Variants in GLB1L observed in about 807,000 individuals in gnomAD.
GLB1L encodes the protein beta-galactosidase-1-like protein.
GLB1L carries 58 observed loss-of-function variants against 75.7 expected under a neutral mutation model. The observed-to-expected ratio is 0.77, with a 90% CI of 0.62 to 0.95. GLB1L has a LOEUF of 0.95. Ranked by LOEUF, GLB1L falls within the 40% of genes least tolerant of loss-of-function variation. GLB1L has a pLI of 0.00. For synonymous variants in GLB1L, 296 were observed against 303.0 expected, an observed-to-expected ratio of 0.98 and a Z score of 0.24; for missense variants, 797 against 805.5, an observed-to-expected ratio of 0.99 and a Z score of 0.13.
Position 219,237,640 on chromosome 2 carries a change from A to G in GLB1L, c.1561T>C (p.Trp521Arg), listed in dbSNP as rs1413689820. The change falls in exon 16 of 17, where the codon TGG becomes CGG. Residue 521 changes from tryptophan to arginine, a missense_variant. Trp to Arg is a moderately radical substitution (Grantham distance 101). Transcript: ENST00000295759. Reference sequence around the variant, plus strand: ...CATTTTGGCAACTGGAGGGGAAACCACCACTTCACAAGGTTATCAATTTTC... The same window carrying G: ...CATTTTGGCAACTGGAGGGGAAACCGCCACTTCACAAGGTTATCAATTTTC... Reference protein sequence around the residue: ...PLKIDNLVKWWFPLQLPKWPY... With the variant: ...PLKIDNLVKWRFPLQLPKWPY... 3 of 1,614,064 alleles carry G rather than the reference A, an allele frequency of 1.9e-6. No homozygotes were observed. The highest frequency in any genetic ancestry group is 2.7e-5 in the African/African-American group (2 of 74,926).
chr2:219,243,984 G>T (rs970594140), intron 1 of GLB1L: 1 of 123,556 alleles, frequency 8.1e-6, no homozygotes, highest in African/African-American at 3.0e-5. Flanking sequence ...GCACGCGCCT[G>T]TATTCCAAGC....
In GLB1L at chr2:219,240,005, C is replaced by T; in HGVS notation, c.636G>A (p.Lys212=). 6.2e-7 allele frequency: 1 copy of T among 1,614,088 alleles called. No individual in the cohort carries two copies. Among genetic ancestry groups the T allele is most frequent in the Non-Finnish European group, 8.5e-7 (1 of 1,180,034 alleles). Residue 212 remains lysine, a synonymous_variant, in exon 7 of 17, where the codon AAG becomes AAA. Coordinates refer to ENST00000295759, the MANE Select transcript of GLB1L (RefSeq NM_001286423.2). ...GCCCATCTGTGGTGAAGAGCAAGAT[C>T]TTTTCTCCTAGCAGTGCACGGAAGA... ...AGLFRALLGE[K]ILLFTTDGPE...
intron 5 of GLB1L, 47 bp downstream of exon 5, chr2:219,242,467 C>G (rs1479164423): frequency 1.5e-6 from 2 of 1,373,552 alleles, no homozygotes; most frequent in East Asian, 2.3e-5. Context: ...CCCAAATAGC[C>G]CATTTTACTT....
chr2:219,237,253 G>A lies in GLB1L; in HGVS notation c.1784C>T (p.Pro595Leu). 1 of 1,614,156 alleles carries A rather than the reference G, an allele frequency of 6.2e-7. No homozygotes were observed. The highest frequency in any genetic ancestry group is 8.5e-7 in the Non-Finnish European group (1 of 1,180,020). The change falls in exon 17 of 17, where the codon CCT (proline) becomes CTT (leucine). Residue 595 changes from proline (P) to leucine (L), a missense_variant. Physicochemically the swap from Pro to Leu is moderately conservative, Grantham distance 98 (BLOSUM62 -3). Coordinates refer to ENST00000295759, the MANE Select transcript of GLB1L (RefSeq NM_001286423.2). ...TGTAATTTTGTTGAGGGCTCCCCTA[G>A]GAAACAGCAGGAATCTTGGCACGTA... The part of the protein sequence containing the change: ...TLYVPRFLLF[P>L]RGALNKITLL...
At chr2:219,242,056 C>T (rs1448832938) in intron 5 of GLB1L, among the ~76,000 whole-genome samples, 2 of 152,182 alleles carry the variant, frequency 1.3e-5, no homozygotes, top group East Asian at 3.9e-4. Context: ...TGTTCAATCT[C>T]GGCTCACTGC....
At chr2:219,237,997 T>C in intron 14 of GLB1L, 40 bp from the exon 15 acceptor site, 1 of 1,608,060 alleles carries the variant, frequency 6.2e-7, no homozygotes, top group Non-Finnish European at 8.5e-7. Context: ...GCTCAGCATC[T>C]AGCTCTTAGC....
chr2:219,239,589 T>C lies in GLB1L; in HGVS notation c.874A>G (p.Met292Val), dbSNP rs745630727. Residue 292 changes from methionine (M) to valine (V), a missense_variant, in exon 9 of 17, where the codon ATG becomes GTG. Coordinates refer to ENST00000295759, the MANE Select transcript of GLB1L (RefSeq NM_001286423.2). The stretch of plus-strand genomic sequence containing the variant: ...TTCACACTGGCTCCCAACTTGAGCA[T>C]GTTCTCTAGTCCTTTGGTTACAGCT... ...VSAVTKGLEN[M>V]LKLGASVNMY... 3 of 1,614,204 alleles carry C rather than the reference T, an allele frequency of 1.9e-6. No homozygotes were observed. The highest frequency in any genetic ancestry group is 1.7e-5 in the Admixed American group (1 of 60,018).
chr2:219,242,839 T>G lies in GLB1L; in HGVS notation c.319A>C (p.Asn107His). 6.2e-7 allele frequency: 1 copy of G among 1,614,148 alleles called. No homozygotes were observed. Among genetic ancestry groups the G allele is most frequent in the Non-Finnish European group, 8.5e-7 (1 of 1,180,022 alleles). ...AACAGGTTCGCTAGAGCTGCCTCAT[T>G]CAGAAAGGCAATGAGGTCCCGGCTG... ...NGSRDLIAFL[N>H]EAALANLLVI... is the part of the protein sequence containing the mutation. The change falls in exon 4 of 17, where the codon AAT becomes CAT. Residue 107 changes from asparagine to histidine, a missense_variant. Coordinates refer to ENST00000295759, the MANE Select transcript of GLB1L (RefSeq NM_001286423.2).
At chr2:219,238,937 C>T (rs1951319925) in intron 11 of GLB1L, among the ~76,000 whole-genome samples, 155 bp downstream of exon 11, 1 of 152,200 alleles carries the variant, frequency 6.6e-6, no homozygotes, top group Admixed American at 6.5e-5. Flanking sequence ...CACACATAGT[C>T]CCATTTGGTT....
chr2:219,243,432 A>C lies in GLB1L; in HGVS notation c.72+70T>G. ...GCGGGTTGTTTGGTTGTTACTTTGGACTTTCTCTCATCCGCTGGATCTGAT... is the reference window on the plus strand; with the variant it reads ...GCGGGTTGTTTGGTTGTTACTTTGGCCTTTCTCTCATCCGCTGGATCTGAT... On this transcript the variant is annotated intron_variant, in intron 2 of 16. Transcript: ENST00000295759. The C allele has an allele frequency of 1.9e-6, 3 of 1,602,180 alleles. No homozygotes were observed. In the Middle Eastern group the frequency reaches 5.0e-4, roughly 265 times the overall value.
Position 219,243,141 on chromosome 2 carries a change from T to G in GLB1L, c.239+7A>C. The G allele has an allele frequency of 6.3e-7, 1 of 1,592,356 alleles. No homozygotes were observed. The highest frequency in any genetic ancestry group is 8.6e-7 in the Non-Finnish European group (1 of 1,167,966). ...ATCCCTCCGCGGCTCTTGCGAGCACTTCTTACAACTGTATGGCGTTGAGGC... is the reference window on the plus strand; with the variant it reads ...ATCCCTCCGCGGCTCTTGCGAGCACGTCTTACAACTGTATGGCGTTGAGGC... On this transcript the variant is annotated splice_region_variant and intron_variant, in intron 3 of 16. Coordinates refer to ENST00000295759, the MANE Select transcript of GLB1L (RefSeq NM_001286423.2).
rs1179739102 is a variant in GLB1L at position 219,238,260 on chromosome 2, A to G, written c.1331T>C (p.Met444Thr). 6.2e-7 allele frequency: 1 copy of G among 1,600,662 alleles called. No individual in the cohort carries two copies. The change falls in exon 14 of 17, where the codon ATG becomes ACG. Residue 444 changes from methionine to threonine, a missense_variant. Coordinates refer to ENST00000295759, the MANE Select transcript of GLB1L (RefSeq NM_001286423.2). Reference protein sequence around the residue: ...NNGVHDRAYVMVDGVFQGVVE... With the variant: ...NNGVHDRAYVTVDGVFQGVVE... Reference sequence around the variant, plus strand: ...GAATTAGGTTCTCACCCCATCCACCATCACATAGGCACGGTCATGGACTCC... The same window carrying G: ...GAATTAGGTTCTCACCCCATCCACCGTCACATAGGCACGGTCATGGACTCC...
At chr2:219,243,101 G>A (rs751498884) in intron 3 of GLB1L, 47 bp downstream of exon 3, 12 of 1,564,168 alleles carry the variant, frequency 7.7e-6, no homozygotes, top group Non-Finnish European at 9.5e-6. Flanking sequence ...GGGGGCGGTA[G>A]AAAAAGTAGA....
At chr2:219,237,426 T>C in intron 16 of GLB1L, 79 bp from the exon 17 acceptor site, 5 of 1,598,610 alleles carry the variant, frequency 3.1e-6, no homozygotes, top group Non-Finnish European at 4.3e-6. Flanking sequence ...TTTGGGTTTC[T>C]AATCAGAGGA....
intron 5 of GLB1L, among the ~76,000 whole-genome samples, chr2:219,240,725 CAA>C (rs1335123678): frequency 6.6e-6 from 1 of 151,426 alleles, no homozygotes; most frequent in Non-Finnish European, 1.5e-5. Flanking sequence ...GCCTGGGCAA[CAA>C]GAGCAAAACT....
In GLB1L at chr2:219,239,956, G is replaced by A. The variant is rs932337831; in HGVS notation, c.685C>T (p.Leu229Phe). ...DGPEGLKCGS[L>F]RGLYTTVDFG... is the part of the protein sequence containing the mutation. ...TCTACAGTGGTATAGAGTCCCCGGAGGGAGCCACACTTGAGTCCTTCAGGC... is the reference window on the plus strand; with the variant it reads ...TCTACAGTGGTATAGAGTCCCCGGAAGGAGCCACACTTGAGTCCTTCAGGC... Residue 229 changes from leucine (L) to phenylalanine (F), a missense_variant, in exon 7 of 17, where the codon CTC (leucine) becomes TTC (phenylalanine). Physicochemically the swap from Leu to Phe is conservative, Grantham distance 22 (BLOSUM62 0). Transcript: ENST00000295759. The A allele has an allele frequency of 6.8e-6, 11 of 1,614,006 alleles. No individual in the cohort carries two copies. The African/African-American group carries it at 9.3e-5, about 14-fold the overall frequency.
Position 219,243,199 on chromosome 2 carries a change from CAA to C in GLB1L, c.186_187del (p.Trp63GlyfsTer32), listed in dbSNP as rs1559268333. On this transcript the variant is annotated frameshift_variant, in exon 3 of 17. Transcript: ENST00000295759. LOFTEE classifies it high-confidence loss of function. ...TCGCATCTTCAAAAGCCGGTCGGCC[CAA>C]AGCACCCGCGGTACCCGAAAGTAGT... 3 of 1,614,012 alleles carry C rather than the reference CAA, an allele frequency of 1.9e-6. No homozygotes were observed. In the Admixed American group the frequency reaches 5.0e-5, roughly 27 times the overall value.
chr2:219,243,109 A>G (rs1208694934), intron 3 of GLB1L, 39 bp downstream of exon 3: 2 of 1,570,378 alleles, frequency 1.3e-6, no homozygotes, highest in Non-Finnish European at 8.7e-7. Flanking sequence ...TAGAAAAAGT[A>G]GATCCCATCC....
rs371415974 is a variant in GLB1L at position 219,243,577 on chromosome 2, G to A, written c.-4C>T. On this transcript the variant is annotated 5_prime_UTR_variant, in exon 2 of 17. It adds an upstream start codon to the 5' untranslated region. Transcript: ENST00000295759. ...AGGACAGCTTCTTGGGAGCCATGGC[G>A]TTTACAGCGCTCCTCTAGTCTGAGA... 2.7e-5 allele frequency: 43 copies of A among 1,613,912 alleles called. No homozygotes were observed. Among genetic ancestry groups the A allele is most frequent in the Non-Finnish European group, 3.1e-5 (37 of 1,179,904 alleles).
Sources: allele counts gnomAD v4.1 joint callset (sites outside exome capture counted in the v4.1 genomes callset), GRCh38; gene constraint gnomAD v4.1.1; transcripts MANE v1.5; gene names NCBI Gene and HGNC (gene_info 2026-07-23, HGNC 2026-07-21).